The following TFEC variants were observed in gnomAD, a reference collection of about 807,000 sequenced individuals.
TFEC encodes transcription factor EC.
A neutral mutation model predicts 41.6 loss-of-function variants in TFEC; 31 were observed. That is an observed-to-expected ratio of 0.74 (90% CI 0.56 to 1.01). The LOEUF (loss-of-function observed/expected upper bound fraction) is 1.01, where lower values mean the gene tolerates loss of function less well. TFEC is among the 50% of genes least tolerant of loss of function. The pLI is 0.00. For synonymous variants in TFEC, 143 were observed against 140.6 expected, an observed-to-expected ratio of 1.02 and a Z score of -0.12; for missense variants, 402 against 404.1, an observed-to-expected ratio of 0.99 and a Z score of 0.04.
At chr7:116,013,070 AT>A (rs906352619) in intron 1 of TFEC, among the ~76,000 whole-genome samples, 4 of 152,088 alleles carry the variant, frequency 2.6e-5, no homozygotes, top group African/African-American at 9.6e-5. Flanking sequence ...AGACTTTTAG[AT>A]TATTCATTTT....
intron 1 of TFEC, among the ~76,000 whole-genome samples, chr7:116,028,068 G>A (rs1584720743): frequency 6.6e-6 from 1 of 152,126 alleles, no homozygotes; most frequent in Non-Finnish European, 1.5e-5. Flanking sequence ...GGTCACCTGA[G>A]GAGATTCTAC....
chr7:116,013,890 A>G (rs1795095762), intron 1 of TFEC, among the ~76,000 whole-genome samples: 1 of 152,110 alleles, frequency 6.6e-6, no homozygotes, highest in African/African-American at 2.4e-5. Context: ...TTGTTTTGTA[A>G]TCACCATATG....
At chr7:116,025,750 T>C (rs1197699056) in intron 1 of TFEC, among the ~76,000 whole-genome samples, 2 of 152,222 alleles carry the variant, frequency 1.3e-5, no homozygotes, top group Non-Finnish European at 2.9e-5. Context: ...CTCAGTCCAC[T>C]GGTTTGCTAA....
intron 1 of TFEC, among the ~76,000 whole-genome samples, chr7:115,990,497 C>T (rs573455445): frequency 5.9e-5 from 9 of 152,160 alleles, no homozygotes; most frequent in Admixed American, 2.0e-4. Context: ...AGAGATTAGA[C>T]GAATGGCTAG....
intron 1 of TFEC, among the ~76,000 whole-genome samples, chr7:116,141,698 A>C (rs1486543497): frequency 6.6e-6 from 1 of 152,236 alleles, no homozygotes; most frequent in African/African-American, 2.4e-5. Flanking sequence ...CTCTGAAGTT[A>C]TCTCTGCAAA....
intron 3 of TFEC, among the ~76,000 whole-genome samples, chr7:115,971,804 G>T (rs1340326056): frequency 1.3e-5 from 2 of 152,058 alleles, no homozygotes; most frequent in East Asian, 3.9e-4. Context: ...GACAGTGTCT[G>T]TTCAATGGCT....
In TFEC at chr7:116,030,699, C is replaced by T; in HGVS notation, c.-139G>A. On this transcript the variant is annotated 5_prime_UTR_variant, in exon 1 of 8. It introduces an in-frame stop codon into an upstream open reading frame of the 5' UTR. Transcript: ENST00000265440. ...CAGCACCAAATTATAATCCCTCTTC[C>T]CATAACATATGCACCATGCCAGAAG... The T allele has an allele frequency of 3.0e-6, 3 of 985,370 alleles. No individual in the cohort carries two copies. The highest frequency in any genetic ancestry group is 3.6e-6 in the Non-Finnish European group (3 of 829,928). The allele number at this position is 985,370 out of a possible 1,614,324, so 61.0% of individuals were successfully genotyped here.
intron 3 of TFEC, among the ~76,000 whole-genome samples, chr7:116,109,164 C>A (rs1467211853): frequency 1.3e-5 from 2 of 151,942 alleles, no homozygotes; most frequent in Non-Finnish European, 2.9e-5. Flanking sequence ...TAGGCATGGG[C>A]AAGGACTTCA....
At chr7:115,986,256 AT>A (rs1180587067) in intron 1 of TFEC, among the ~76,000 whole-genome samples, 1 of 152,144 alleles carries the variant, frequency 6.6e-6, no homozygotes, top group East Asian at 1.9e-4. Context: ...ATGCTAAACA[AT>A]TTACATATAT....
intron 1 of TFEC, among the ~76,000 whole-genome samples, chr7:116,028,600 T>C (rs915770681): frequency 6.6e-6 from 1 of 152,230 alleles, no homozygotes; most frequent in African/African-American, 2.4e-5. Context: ...GCAACCTATT[T>C]GTAAACACCA....
At chr7:116,037,934 A>G (rs897500723) in intron 3 of TFEC, among the ~76,000 whole-genome samples, 5 of 152,074 alleles carry the variant, frequency 3.3e-5, no homozygotes, top group Admixed American at 3.3e-4. Context: ...TTGCAAAAGC[A>G]GTACTTTTTC....
chr7:116,114,067 T>C (rs994443750), intron 1 of TFEC, among the ~76,000 whole-genome samples: 2 of 152,082 alleles, frequency 1.3e-5, no homozygotes, highest in African/African-American at 4.8e-5. Flanking sequence ...AAACTCGTTA[T>C]CTTAATTTAT....
chr7:116,121,907 T>G lies in TFEC; in HGVS notation c.-68-9869A>C, dbSNP rs190997879. Reference sequence around the variant, plus strand: ...CAGTAAAATAAAAAATTCATTAAAATGTAGCTATTGGGAGGAAAGGAAATA... The same window carrying G: ...CAGTAAAATAAAAAATTCATTAAAAGGTAGCTATTGGGAGGAAAGGAAATA... On this transcript the variant is annotated intron_variant, in intron 1 of 8. Coordinates refer to the TFEC transcript ENST00000484212. Among the ~76,000 whole-genome samples the G allele has an allele frequency of 3.3e-5, 5 of 152,104 alleles. No homozygotes were observed. The East Asian group carries it at 9.7e-4, about 29-fold the overall frequency.
At chr7:116,115,845 T>C (rs561300795) in intron 1 of TFEC, among the ~76,000 whole-genome samples, 1 of 151,992 alleles carries the variant, frequency 6.6e-6, no homozygotes, top group Non-Finnish European at 1.5e-5. Flanking sequence ...GCTTTTTATA[T>C]GCCGGATGTT....
At chr7:116,070,367 T>C (rs1796798935) in intron 3 of TFEC, among the ~76,000 whole-genome samples, 1 of 151,442 alleles carries the variant, frequency 6.6e-6, no homozygotes, top group Non-Finnish European at 1.5e-5. Flanking sequence ...TACCAAAAAA[T>C]GTCCCAAAAT....
At position 115,940,756 on chromosome 7, in the gene TFEC, A is replaced by G. The variant is rs1446463574; in HGVS notation, c.839T>C (p.Ile280Thr). 2 of 1,613,532 alleles carry G rather than the reference A, an allele frequency of 1.2e-6. No homozygotes were observed. Among genetic ancestry groups the G allele is most frequent in the African/African-American group, 2.7e-5 (2 of 74,964 alleles). Residue 280 changes from isoleucine to threonine, a missense_variant, in exon 8 of 8, where the codon ATA (isoleucine) becomes ACA (threonine). By Grantham distance (89) the Ile-to-Thr change is moderately conservative. Coordinates refer to ENST00000265440, the MANE Select transcript of TFEC (RefSeq NM_012252.4). ...GTATGACAAAGGATCAGAAAAGGCT[A>G]TAGCTTGATCACAGAGCTCAGGGCT... The part of the protein sequence containing the change: ...GPSPELCDQA[I>T]AFSDPLSYFT...
chr7:115,981,948 A>G (rs1447630056), intron 2 of TFEC, among the ~76,000 whole-genome samples: 1 of 152,200 alleles, frequency 6.6e-6, no homozygotes, highest in Non-Finnish European at 1.5e-5. Flanking sequence ...AGCCAGGTGC[A>G]AGGGTTAAGT....
chr7:115,979,704 C>G (rs927696274), intron 2 of TFEC, among the ~76,000 whole-genome samples: 1 of 152,168 alleles, frequency 6.6e-6, no homozygotes, highest in African/African-American at 2.4e-5. Flanking sequence ...AACTACCATA[C>G]TTCTCTTAAC....
chr7:116,149,068 T>A (rs1336448480), intron 1 of TFEC, among the ~76,000 whole-genome samples: 6 of 152,038 alleles, frequency 3.9e-5, no homozygotes, highest in Non-Finnish European at 1.5e-5. Flanking sequence ...TGGCTAAGCA[T>A]CCAACTTAAT....
Sources: gnomAD v4.1 joint callset for allele counts (sites outside exome capture counted in the v4.1 genomes callset) on GRCh38, gnomAD v4.1.1 for gene constraint, MANE v1.5 for transcripts, NCBI Gene and HGNC (gene_info 2026-07-23, HGNC 2026-07-21) for gene names.